TNKS: variants seen among roughly 807,000 people sequenced by gnomAD.
TNKS encodes the protein tankyrase, also known as poly [ADP-ribose] polymerase tankyrase-1.
TNKS carries 72 observed loss-of-function variants against 135.8 expected under a neutral mutation model. The ratio of observed to expected loss-of-function variants is 0.53; its 90% CI spans 0.44 to 0.64. The LOEUF (loss-of-function observed/expected upper bound fraction) is 0.64, where lower values mean the gene tolerates loss of function less well. TNKS is among the 30% of genes least tolerant of loss of function. The pLI is 0.00. For missense variants in TNKS, 1,769 were observed against 1,674.0 expected (o/e 1.06, Z -0.99); for synonymous variants, 849 against 649.3 (o/e 1.31, Z -4.68).
In TNKS at chr8:9,706,962, T is replaced by C; in HGVS notation, c.1421T>C (p.Met474Thr). The C allele has an allele frequency of 6.2e-7, 1 of 1,610,678 alleles. No homozygotes were observed. The highest frequency in any genetic ancestry group is 8.5e-7 in the Non-Finnish European group (1 of 1,178,758). ...VNCHGKSAVD[M>T]APTPELRERL... ...TGCCATGGCAAAAGTGCTGTGGATA[T>C]GGCTCCAACTCCGGAGCTTAGGGAG... Residue 474 changes from methionine (M) to threonine (T), a missense_variant, in exon 8 of 27, where the codon ATG becomes ACG. Around this residue, in one of 5 missense-constraint regions of TNKS, gnomAD observed 523 missense variants for 541.0 expected, o/e 0.97. Coordinates refer to ENST00000310430, the MANE Select transcript of TNKS (RefSeq NM_003747.3).
rs1361665493 is a variant in TNKS at position 9,575,592 on chromosome 8, C to G, written c.674-4567C>G. ...TCTAGAAGAAAATGTAGGAACAGTA[C>G]AGAAATAGGAAAGGTTTCCTTAAAT... On this transcript the variant is annotated intron_variant, in intron 1 of 26. Coordinates refer to ENST00000310430, the MANE Select transcript of TNKS (RefSeq NM_003747.3). Among the ~76,000 whole-genome samples, 3 of 152,068 alleles carry G rather than the reference C, an allele frequency of 2.0e-5. No individual in the cohort carries two copies. The East Asian group carries it at 5.8e-4, about 29-fold the overall frequency.
At chr8:9,766,483 C>CTTTT (rs61212620) in intron 25 of TNKS, 58 bp downstream of exon 25, 197 of 890,230 alleles carry the variant, frequency 2.2e-4, no homozygotes, top group Admixed American at 3.2e-4. Flanking sequence ...ACCAAATTGT[C>CTTTT]TTTTTTTTTT....
chr8:9,580,943 AT>A (rs1563401412), intron 2 of TNKS, among the ~76,000 whole-genome samples: 1 of 152,188 alleles, frequency 6.6e-6, no homozygotes, highest in Non-Finnish European at 1.5e-5. Context: ...TTCAATCAGC[AT>A]TTTGTTCTCT....
intron 3 of TNKS, among the ~76,000 whole-genome samples, chr8:9,630,099 G>A (rs988336682): frequency 5.9e-5 from 9 of 152,076 alleles, no homozygotes; most frequent in Non-Finnish European, 8.8e-5. Context: ...TGTATATCCC[G>A]TGTCTCCCAC....
At chr8:9,630,901 C>T (rs895820972) in intron 3 of TNKS, among the ~76,000 whole-genome samples, 2 of 152,112 alleles carry the variant, frequency 1.3e-5, no homozygotes, top group African/African-American at 4.8e-5. Flanking sequence ...TAATTTTATC[C>T]AGAAATTCTT....
At chr8:9,674,767 A>C (rs183769129) in intron 3 of TNKS, among the ~76,000 whole-genome samples, 1 of 152,234 alleles carries the variant, frequency 6.6e-6, no homozygotes. Context: ...TCAAGGTTCC[A>C]GGAGACAAGG....
At chr8:9,733,241 T>C in intron 14 of TNKS, 38 bp from the exon 15 acceptor site, 1 of 1,516,676 alleles carries the variant, frequency 6.6e-7, no homozygotes, top group Non-Finnish European at 8.8e-7. Flanking sequence ...AACTCAAAGG[T>C]TTGTTTTATG....
Position 9,706,812 on chromosome 8 carries a change from A to G in TNKS, c.1271A>G (p.His424Arg), listed in dbSNP as rs376222441. The change falls in exon 8 of 27, where the codon CAT (histidine) becomes CGT (arginine). Residue 424 changes from histidine to arginine, a missense_variant and splice_region_variant. Transcript: ENST00000310430. ...HYEVTELLLK[H>R]GACVNAMDLW... ...AAAATGTTTTTTTTCTCAATTCAGC[A>G]TGGAGCTTGTGTTAATGCCATGGAT... The G allele has an allele frequency of 1.9e-6, 3 of 1,604,054 alleles. No individual in the cohort carries two copies. The highest frequency in any genetic ancestry group is 1.3e-5 in the African/African-American group (1 of 74,310).
At chr8:9,606,227 C>T (rs1038112738) in intron 2 of TNKS, among the ~76,000 whole-genome samples, 13 of 150,488 alleles carry the variant, frequency 8.6e-5, no homozygotes, top group Middle Eastern at 3.4e-3. Context: ...ATTTTTCCAC[C>T]GTTGAATTAC....
intron 3 of TNKS, among the ~76,000 whole-genome samples, chr8:9,660,685 G>T (rs1228714099): frequency 6.6e-6 from 1 of 152,160 alleles, no homozygotes; most frequent in Non-Finnish European, 1.5e-5. Flanking sequence ...ACAAGACAGG[G>T]TTGCCCTCTC....
At chr8:9,645,545 C>T (rs549355327) in intron 3 of TNKS, among the ~76,000 whole-genome samples, 7 of 151,986 alleles carry the variant, frequency 4.6e-5, no homozygotes, top group East Asian at 1.9e-4. Flanking sequence ...GAGAGTGAGG[C>T]GAGGATTTTA....
intron 2 of TNKS, among the ~76,000 whole-genome samples, chr8:9,602,252 A>G (rs765729628): frequency 6.6e-6 from 1 of 152,236 alleles, no homozygotes; most frequent in Non-Finnish European, 1.5e-5. Flanking sequence ...CTAGTTGATT[A>G]CTTACGTAGA....
chr8:9,733,721 T>G (rs1345760684), intron 15 of TNKS, among the ~76,000 whole-genome samples: 1 of 152,208 alleles, frequency 6.6e-6, no homozygotes, highest in African/African-American at 2.4e-5. Context: ...GTCTAGTACT[T>G]ATAGTATTAA....
chr8:9,760,354 A>G (rs1435534741), intron 20 of TNKS, among the ~76,000 whole-genome samples: 1 of 152,220 alleles, frequency 6.6e-6, no homozygotes, highest in Non-Finnish European at 1.5e-5. Flanking sequence ...ATAGAAAATT[A>G]TTTCCAAAGA....
intron 13 of TNKS, among the ~76,000 whole-genome samples, chr8:9,727,929 C>G (rs1189504017): frequency 6.6e-6 from 1 of 152,020 alleles, no homozygotes; most frequent in Non-Finnish European, 1.5e-5. Context: ...TACATTTTTT[C>G]TTAAAAATGC....
chr8:9,607,564 G>T (rs977232173), intron 2 of TNKS, among the ~76,000 whole-genome samples: 2 of 152,146 alleles, frequency 1.3e-5, no homozygotes, highest in African/African-American at 4.8e-5. Context: ...TCTTACACTT[G>T]CAAAGCATCT....
intron 14 of TNKS, 98 bp from the exon 15 acceptor site, chr8:9,733,181 T>C (rs1356566796): frequency 4.8e-5 from 55 of 1,147,368 alleles, no homozygotes; most frequent in Middle Eastern, 5.9e-4. Context: ...GTGTTCAGTA[T>C]AGTCAGTACC....
chr8:9,601,751 C>A (rs563955878), intron 2 of TNKS, among the ~76,000 whole-genome samples: 2 of 152,062 alleles, frequency 1.3e-5, no homozygotes, highest in Non-Finnish European at 2.9e-5. Context: ...TATTTATAGA[C>A]CACAGCACCT....
At chr8:9,627,720 T>G (rs1800118435) in intron 3 of TNKS, among the ~76,000 whole-genome samples, 1 of 152,160 alleles carries the variant, frequency 6.6e-6, no homozygotes, top group African/African-American at 2.4e-5. Flanking sequence ...TTTGTTGCCG[T>G]AATCAAGAAA....
Sources: gnomAD v4.1 joint callset for allele counts (sites outside exome capture counted in the v4.1 genomes callset) on GRCh38, gnomAD v4.1.1 for gene constraint, gnomAD v4.1.1 regional missense constraint, MANE v1.5 for transcripts, NCBI Gene and HGNC (gene_info 2026-07-23, HGNC 2026-07-21) for gene names.